FAM135A: variants seen among roughly 807,000 people sequenced by gnomAD.
The protein encoded by FAM135A is protein FAM135A.
In FAM135A, 79 loss-of-function variants were observed where a neutral mutation model predicts 146.8. The ratio of observed to expected loss-of-function variants is 0.54; its 90% confidence interval spans 0.45 to 0.65. FAM135A has a LOEUF of 0.65. FAM135A is among the 30% of genes least tolerant of loss of function. The pLI is 0.00. For missense variants in FAM135A, 1,623 were observed against 1,758.2 expected (o/e 0.92, Z 1.38); for synonymous variants, 562 against 603.6 (o/e 0.93, Z 1.01).
intron 20 of FAM135A, among the ~76,000 whole-genome samples, chr6:70,543,721 A>G (rs1015234795): frequency 1.6e-4 from 25 of 152,382 alleles, no homozygotes; most frequent in Admixed American, 5.9e-4. Flanking sequence ...AAAGCTGAAC[A>G]TAAGTGTTCC....
chr6:70,467,496 C>T (rs1230664012), intron 5 of FAM135A, among the ~76,000 whole-genome samples: 2 of 152,004 alleles, frequency 1.3e-5, no homozygotes, highest in African/African-American at 4.8e-5. Context: ...CATCTGTTTT[C>T]TTTGTTCTTT....
At chr6:70,426,368 C>T (rs368865981) in intron 2 of FAM135A, 71 bp from the exon 3 acceptor site, 25 of 152,172 alleles carry the variant, frequency 1.6e-4, no homozygotes, top group African/African-American at 6.0e-4. Flanking sequence ...ACTAACAAAA[C>T]ATAGGTTTCC....
intron 5 of FAM135A, among the ~76,000 whole-genome samples, chr6:70,474,081 CT>C (rs1782136795): frequency 6.6e-6 from 1 of 152,116 alleles, no homozygotes; most frequent in African/African-American, 2.4e-5. Flanking sequence ...TCCACACAGG[CT>C]TTGACATCAG....
chr6:70,491,206 T>C, intron 11 of FAM135A, 123 bp downstream of exon 11: 1 of 786,870 alleles, frequency 1.3e-6, no homozygotes, highest in Non-Finnish European at 2.0e-6. Context: ...GATAAAATGG[T>C]TGATCATGGT....
chr6:70,482,758 G>A (rs1470065520), intron 10 of FAM135A, among the ~76,000 whole-genome samples: 1 of 152,000 alleles, frequency 6.6e-6, no homozygotes, highest in Non-Finnish European at 1.5e-5. Flanking sequence ...TATGCCATTT[G>A]TAGCTTGCAA....
chr6:70,486,483 T>C (rs1009593427), intron 10 of FAM135A, among the ~76,000 whole-genome samples: 4 of 152,158 alleles, frequency 2.6e-5, no homozygotes, highest in Admixed American at 6.6e-5. Context: ...CAAAACTCAC[T>C]GGCTTTTTTC....
At chr6:70,469,471 G>T (rs1781135239) in intron 5 of FAM135A, among the ~76,000 whole-genome samples, 1 of 152,146 alleles carries the variant, frequency 6.6e-6, no homozygotes, top group African/African-American at 2.4e-5. Flanking sequence ...TTCTTATCTG[G>T]CATGAGAATT....
intron 20 of FAM135A, among the ~76,000 whole-genome samples, chr6:70,545,699 A>G (rs1417195133): frequency 6.6e-6 from 1 of 152,214 alleles, no homozygotes; most frequent in East Asian, 1.9e-4. Context: ...ATAATAGCTA[A>G]TACACATGTA....
chr6:70,514,528 G>A (rs552455605), intron 12 of FAM135A, among the ~76,000 whole-genome samples: 3 of 152,226 alleles, frequency 2.0e-5, no homozygotes, highest in East Asian at 3.9e-4. Flanking sequence ...AAATCTGAAC[G>A]AACTGAAAAA....
At position 70,524,452 on chromosome 6, in the gene FAM135A, G is replaced by T; in HGVS notation, c.1368G>T (p.Glu456Asp). The T allele has an allele frequency of 6.5e-7, 1 of 1,550,096 alleles. No homozygotes were observed. Among genetic ancestry groups the T allele is most frequent in the Non-Finnish European group, 8.7e-7 (1 of 1,146,468 alleles). ...ESSVAGLSSP[E>D]LKVRPAGASS... Reference sequence around the variant, plus strand: ...CTGTAGCAGGACTTTCTAGCCCAGAGTTGAAAGTCAGACCTGCTGGTGCCT... The same window carrying T: ...CTGTAGCAGGACTTTCTAGCCCAGATTTGAAAGTCAGACCTGCTGGTGCCT... The change falls in exon 15 of 22, where the codon GAG (glutamate) becomes GAT (aspartate). Residue 456 changes from glutamate (E) to aspartate (D), a missense_variant. Glu to Asp is a conservative substitution (Grantham distance 45). This residue lies in a region of FAM135A where 1,061 missense variants were observed against 1,113.8 expected (regional missense o/e 0.95). Transcript: ENST00000418814.
intron 5 of FAM135A, among the ~76,000 whole-genome samples, chr6:70,474,397 G>A (rs1447673538): frequency 6.6e-6 from 1 of 152,020 alleles, no homozygotes; most frequent in Non-Finnish European, 1.5e-5. Flanking sequence ...ACTTCAAATG[G>A]TAAGGACATA....
chr6:70,414,973 A>G (rs989812419), intron 1 of FAM135A, among the ~76,000 whole-genome samples: 4 of 152,206 alleles, frequency 2.6e-5, no homozygotes, highest in African/African-American at 9.7e-5. Flanking sequence ...TTTAAAATGT[A>G]TTATTAATTT....
rs745597760 is a variant in FAM135A at position 70,526,167 on chromosome 6, C to T, written c.3083C>T (p.Ser1028Leu). 6.2e-7 allele frequency: 1 copy of T among 1,613,414 alleles called. No individual in the cohort carries two copies. The highest frequency in any genetic ancestry group is 8.5e-7 in the Non-Finnish European group (1 of 1,179,604). ...ETHLGTSDPF[S>L]ASTDIVKQGL... The stretch of plus-strand genomic sequence containing the variant: ...CATCTGGGTACAAGTGATCCTTTTT[C>T]AGCCAGTACTGATATAGTAAAGCAA... The change falls in exon 15 of 22, where the codon TCA (serine) becomes TTA (leucine). Residue 1028 changes from serine to leucine, a missense_variant. By Grantham distance (145) the Ser-to-Leu change is moderately radical. This residue lies in a region of FAM135A where 1,061 missense variants were observed against 1,113.8 expected (regional missense o/e 0.95). Coordinates refer to ENST00000418814, the MANE Select transcript of FAM135A (RefSeq NM_001162529.3).
chr6:70,452,291 T>G (rs1777272277), intron 4 of FAM135A, among the ~76,000 whole-genome samples: 2 of 152,066 alleles, frequency 1.3e-5, no homozygotes, highest in African/African-American at 4.8e-5. Flanking sequence ...TTATATATAC[T>G]GGGTTTCTCT....
At chr6:70,546,955 A>T (rs1798968115) in intron 20 of FAM135A, among the ~76,000 whole-genome samples, 1 of 152,228 alleles carries the variant, frequency 6.6e-6, no homozygotes, top group Non-Finnish European at 1.5e-5. Flanking sequence ...GTGTTGAAGT[A>T]GTCAAGATTA....
intron 4 of FAM135A, among the ~76,000 whole-genome samples, chr6:70,442,239 GTT>G (rs1264461872): frequency 5.6e-5 from 7 of 125,944 alleles, no homozygotes; most frequent in East Asian, 2.4e-4. Flanking sequence ...TTCTTCATGG[GTT>G]TTTTTTTTTT....
chr6:70,429,288 A>C (rs1318872727), intron 4 of FAM135A, among the ~76,000 whole-genome samples: 3 of 152,100 alleles, frequency 2.0e-5, no homozygotes, highest in African/African-American at 2.4e-5. Flanking sequence ...CGAGGCGGGC[A>C]GATCACCAGA....
At chr6:70,533,114 C>G in intron 16 of FAM135A, 46 bp from the exon 17 acceptor site, 1 of 1,463,190 alleles carries the variant, frequency 6.8e-7, no homozygotes, top group Non-Finnish European at 9.6e-7. Context: ...GTACTTTCTA[C>G]CTTTTACTTT....
intron 12 of FAM135A, among the ~76,000 whole-genome samples, chr6:70,519,446 T>C (rs539026097): frequency 1.3e-5 from 2 of 152,342 alleles, no homozygotes; most frequent in East Asian, 3.9e-4. Context: ...GAGGATTGAC[T>C]CAATTTTGAA....
Sources: allele counts gnomAD v4.1 joint callset (sites outside exome capture counted in the v4.1 genomes callset), GRCh38; gene constraint gnomAD v4.1.1; regional missense constraint gnomAD v4.1.1; transcripts MANE v1.5; gene names NCBI Gene and HGNC (gene_info 2026-07-23, HGNC 2026-07-21).